CSMD2: variants seen among roughly 807,000 people sequenced by gnomAD.
CSMD2 encodes the protein CUB and Sushi multiple domains 2, also known as CUB and sushi domain-containing protein 2.
CSMD2 carries 130 observed loss-of-function variants against 398.5 expected under a neutral mutation model. The observed-to-expected ratio is 0.33, with a 90% confidence interval of 0.28 to 0.38. The LOEUF (loss-of-function observed/expected upper bound fraction) is 0.38. CSMD2 is among the 10% of genes least tolerant of loss of function. The probability of loss-of-function intolerance (pLI) is 1.00; values close to 1 mark genes in which losing one functional copy is unlikely to be tolerated. For missense variants in CSMD2, 3,829 were observed against 4,764.9 expected (o/e 0.80, Z 5.78); for synonymous variants, 1,828 against 1,908.5 (o/e 0.96, Z 1.10).
intron 1 of CSMD2, among the ~76,000 whole-genome samples, chr1:34,098,860 A>AT (rs2148405482): frequency 6.6e-6 from 1 of 152,330 alleles, no homozygotes; most frequent in South Asian, 2.1e-4. Flanking sequence ...ATTTTTTAGC[A>AT]TAATAGCTGT....
intron 8 of CSMD2, 130 bp from the exon 9 acceptor site, chr1:33,819,967 T>C: frequency 8.6e-7 from 1 of 1,162,582 alleles, no homozygotes; most frequent in South Asian, 1.6e-5. Context: ...GCTCCACTGT[T>C]TTATCACTAA....
intron 3 of CSMD2, among the ~76,000 whole-genome samples, chr1:33,985,576 G>C (rs1394602170): frequency 6.6e-6 from 1 of 152,198 alleles, no homozygotes; most frequent in Non-Finnish European, 1.5e-5. Context: ...TGTGAATCCT[G>C]GTGCTGCCAC....
At chr1:34,103,593 C>T (rs1046251394) in intron 1 of CSMD2, among the ~76,000 whole-genome samples, 1 of 152,122 alleles carries the variant, frequency 6.6e-6, no homozygotes, top group Admixed American at 6.5e-5. Flanking sequence ...CTGCGTCCGA[C>T]CCTCCTTGAG....
At chr1:34,155,574 T>C (rs1192790372) in intron 1 of CSMD2, among the ~76,000 whole-genome samples, 2 of 151,508 alleles carry the variant, frequency 1.3e-5, no homozygotes, top group African/African-American at 4.9e-5. Context: ...CCCTTTTGAG[T>C]TTTCAGGAGC....
chr1:33,741,455 G>A (rs1330632716), intron 14 of CSMD2, among the ~76,000 whole-genome samples: 2 of 152,176 alleles, frequency 1.3e-5, no homozygotes, highest in African/African-American at 4.8e-5. Flanking sequence ...TCCCTTTAGT[G>A]ATTCTAATTC....
intron 1 of CSMD2, among the ~76,000 whole-genome samples, chr1:34,093,542 C>A (rs1051165621): frequency 1.3e-5 from 2 of 151,702 alleles, no homozygotes; most frequent in East Asian, 1.9e-4. Context: ...ACTAGAATAA[C>A]CAATACAGAG....
intron 11 of CSMD2, 113 bp downstream of exon 11, chr1:33,792,310 G>T: frequency 1.3e-6 from 1 of 751,074 alleles, no homozygotes; most frequent in Non-Finnish European, 2.4e-6. Flanking sequence ...AACATTGCAG[G>T]ATACTGTCTT....
At chr1:33,923,123 G>A (rs1256087465) in intron 4 of CSMD2, among the ~76,000 whole-genome samples, 1 of 151,960 alleles carries the variant, frequency 6.6e-6, no homozygotes, top group Admixed American at 6.6e-5. Context: ...ACATTTTTAT[G>A]GGGTATGCGT....
intron 1 of CSMD2, among the ~76,000 whole-genome samples, chr1:34,148,979 A>G (rs1428103054): frequency 6.6e-6 from 1 of 151,908 alleles, no homozygotes; most frequent in African/African-American, 2.4e-5. Context: ...TGTTTCCCAC[A>G]CTCATCTGGT....
intron 7 of CSMD2, among the ~76,000 whole-genome samples, chr1:33,824,657 G>A (rs1207829843): frequency 6.6e-6 from 1 of 152,146 alleles, no homozygotes; most frequent in Non-Finnish European, 1.5e-5. Flanking sequence ...GTGAGCACAT[G>A]GAGGTGAGAT....
At chr1:33,856,780 G>T (rs574975887) in intron 5 of CSMD2, among the ~76,000 whole-genome samples, 1 of 152,134 alleles carries the variant, frequency 6.6e-6, no homozygotes, top group South Asian at 2.1e-4. Flanking sequence ...GTGAGCAAGT[G>T]GTCCTAGAGT....
intron 36 of CSMD2, among the ~76,000 whole-genome samples, chr1:33,623,167 G>T (rs1027674760): frequency 6.6e-6 from 1 of 152,120 alleles, no homozygotes; most frequent in African/African-American, 2.4e-5. Flanking sequence ...ATTTTGGGGT[G>T]GTCAAAATGT....
upstream of CSMD2, chr1:34,165,307 G>A (rs533102080): frequency 8.3e-7 from 1 of 1,201,264 alleles, no homozygotes; most frequent in East Asian, 3.6e-5. Flanking sequence ...GCTTCGCGGG[G>A]TTCGCGCCGG....
chr1:33,560,009 A>G (rs988193426), intron 53 of CSMD2, among the ~76,000 whole-genome samples: 1 of 152,190 alleles, frequency 6.6e-6, no homozygotes. Context: ...CTTCCATGGC[A>G]AGGGAGTTCA....
intron 13 of CSMD2, among the ~76,000 whole-genome samples, chr1:33,749,981 C>T (rs9943133): frequency 0.3 from 45,253 of 151,972 alleles, 8,297 homozygotes; most frequent in African/African-American, 0.52. Flanking sequence ...AACACAATGA[C>T]ACACCTACAG....
chr1:33,899,690 T>C (rs1349007065), intron 5 of CSMD2, among the ~76,000 whole-genome samples: 2 of 152,212 alleles, frequency 1.3e-5, no homozygotes. Flanking sequence ...TACACCAATC[T>C]GCATGTTCCC....
chr1:34,030,304 G>T (rs1340127621), intron 3 of CSMD2, among the ~76,000 whole-genome samples: 1 of 152,172 alleles, frequency 6.6e-6, no homozygotes, highest in East Asian at 1.9e-4. Flanking sequence ...TCTGTAAAGG[G>T]TCAAAAAGTA....
Position 33,938,862 on chromosome 1 carries a change from T to G in CSMD2, c.518-2908A>C, listed in dbSNP as rs114197897. ...CCATAATCTCCTGCCGCTGGCTTAC[T>G]TGGCATTTCCCATAATCCCATGTTG... is the stretch of plus-strand genomic sequence containing the variant. On this transcript the variant is annotated intron_variant, in intron 3 of 70. Transcript: ENST00000373381. Among the ~76,000 whole-genome samples, 193 of 151,652 alleles carry G rather than the reference T, an allele frequency of 1.3e-3. 3 individuals are homozygous for G. Among genetic ancestry groups the G allele is most frequent in the African/African-American group, 4.1e-3 (169 of 41,294 alleles).
rs184766608 is a variant in CSMD2 at position 33,580,738 on chromosome 1, G to A, written c.7387+15C>T. ...AGGAGAGGGCCTGTGGCTTATTTGT[G>A]TTTTTTTCACTCACCTGAATAGCGG... On this transcript the variant is annotated intron_variant, in intron 48 of 70. Transcript: ENST00000373381. The A allele has an allele frequency of 1.2e-6, 2 of 1,613,962 alleles. No individual in the cohort carries two copies. Among genetic ancestry groups the A allele is most frequent in the East Asian group, 4.5e-5 (2 of 44,856 alleles).
Sources: allele counts gnomAD v4.1 joint callset (sites outside exome capture counted in the v4.1 genomes callset), GRCh38; gene constraint gnomAD v4.1.1; transcripts MANE v1.5; gene names NCBI Gene and HGNC (gene_info 2026-07-23, HGNC 2026-07-21).